Variants in ARHGAP10 observed in about 807,000 individuals in gnomAD.
The protein encoded by ARHGAP10 is Rho GTPase activating protein 10.
Under a neutral mutation model 108.6 loss-of-function variants are expected in ARHGAP10, and 87 were observed. The ratio of observed to expected loss-of-function variants is 0.80; its 90% CI spans 0.67 to 0.96. The LOEUF (loss-of-function observed/expected upper bound fraction) is 0.96, where lower values mean the gene tolerates loss of function less well. Among genes scored for constraint, ARHGAP10 ranks in the 40% least tolerant of loss-of-function variants. The pLI is 0.00. For missense variants in ARHGAP10, 939 were observed against 954.5 expected (o/e 0.98, Z 0.21); for synonymous variants, 347 against 341.1 (o/e 1.02, Z -0.19).
At chr4:147,932,057 G>GA (rs1411813045) in intron 13 of ARHGAP10, among the ~76,000 whole-genome samples, 1 of 151,708 alleles carries the variant, frequency 6.6e-6, no homozygotes. Context: ...ACAAACATAT[G>GA]AAAAAAAAGT....
intron 15 of ARHGAP10, among the ~76,000 whole-genome samples, chr4:147,948,025 C>T (rs1455155329): frequency 6.6e-6 from 1 of 151,386 alleles, no homozygotes; most frequent in Admixed American, 6.6e-5. Context: ...ACTGCAACCT[C>T]CGCCTCCCGG....
intron 1 of ARHGAP10, among the ~76,000 whole-genome samples, chr4:147,788,090 G>C (rs1015899886): frequency 6.6e-6 from 1 of 151,910 alleles, no homozygotes; most frequent in South Asian, 2.1e-4. Context: ...ACACACCCCT[G>C]CCGTTCCACA....
intron 1 of ARHGAP10, among the ~76,000 whole-genome samples, chr4:147,816,274 C>T (rs1393906870): frequency 1.3e-5 from 2 of 152,190 alleles, no homozygotes; most frequent in African/African-American, 4.8e-5. Context: ...CCAGTCCCCA[C>T]ATCACTCCTG....
chr4:147,765,038 T>C (rs1482419793), intron 1 of ARHGAP10, among the ~76,000 whole-genome samples: 1 of 152,194 alleles, frequency 6.6e-6, no homozygotes, highest in Non-Finnish European at 1.5e-5. Flanking sequence ...TTGGATACTC[T>C]GAAGTCAACT....
At chr4:147,932,138 T>A (rs1737723027) in intron 13 of ARHGAP10, among the ~76,000 whole-genome samples, 1 of 152,156 alleles carries the variant, frequency 6.6e-6, no homozygotes, top group Non-Finnish European at 1.5e-5. Flanking sequence ...CCAGTCAGAA[T>A]GGCTATTATT....
At chr4:147,792,447 A>C (rs759970178) in intron 1 of ARHGAP10, among the ~76,000 whole-genome samples, 1 of 152,162 alleles carries the variant, frequency 6.6e-6, no homozygotes, top group Admixed American at 6.5e-5. Flanking sequence ...TTCACAACCC[A>C]TTATTATCAT....
At chr4:147,953,666 G>T (rs1274445027) in intron 15 of ARHGAP10, among the ~76,000 whole-genome samples, 1 of 151,796 alleles carries the variant, frequency 6.6e-6, no homozygotes. Flanking sequence ...CATTCTGGCT[G>T]GATTGATCAA....
In ARHGAP10 at chr4:147,939,847, C is replaced by T; in HGVS notation, c.1251C>T (p.Tyr417=). Residue 417 remains tyrosine, a synonymous_variant, in exon 14 of 23, where the codon TAC becomes TAT. Coordinates refer to ENST00000336498, the MANE Select transcript of ARHGAP10 (RefSeq NM_024605.4). ...ETRGINDQGL[Y]RVVGVSSKVQ... ...TAGGTATAAATGACCAAGGATTGTA[C>T]AGAGTTGTGGGGGTGAGTTCAAAGG... The T allele has an allele frequency of 6.2e-7, 1 of 1,613,974 alleles. No individual in the cohort carries two copies. The highest frequency in any genetic ancestry group is 1.1e-5 in the South Asian group (1 of 91,072).
At chr4:147,978,346 CTT>C (rs1370246480) in intron 18 of ARHGAP10, among the ~76,000 whole-genome samples, 1 of 151,984 alleles carries the variant, frequency 6.6e-6, no homozygotes, top group Non-Finnish European at 1.5e-5. Flanking sequence ...TATTTTTTGA[CTT>C]TTTAAATAAT....
intron 10 of ARHGAP10, among the ~76,000 whole-genome samples, chr4:147,884,029 T>C (rs1239733343): frequency 6.6e-6 from 1 of 152,184 alleles, no homozygotes; most frequent in Admixed American, 6.6e-5. Context: ...GCCATAAGTC[T>C]CTGCAGATTA....
intron 1 of ARHGAP10, among the ~76,000 whole-genome samples, chr4:147,733,765 C>T (rs1382720841): frequency 6.6e-6 from 1 of 152,182 alleles, no homozygotes; most frequent in Non-Finnish European, 1.5e-5. Context: ...TGAGCCATCC[C>T]TGTAATTTTG....
chr4:147,980,292 T>A (rs927549014), intron 18 of ARHGAP10, among the ~76,000 whole-genome samples: 1 of 152,218 alleles, frequency 6.6e-6, no homozygotes, highest in African/African-American at 2.4e-5. Flanking sequence ...TCTATTGAGA[T>A]GATCATATAG....
rs147449928 is a variant in ARHGAP10, at chr4:147,955,621, A to C, written c.1450+247A>C. 2.6e-3 allele frequency among the ~76,000 whole-genome samples: 402 copies of C among 152,266 alleles called. 2 individuals are homozygous for C. The highest frequency in any genetic ancestry group is 9.4e-3 in the African/African-American group (389 of 41,570). ...ACTGGATATGTAAAGCCAAGACAGG[A>C]TTCTTGTCCCATGAGACAATTCTAT... On this transcript the variant is annotated intron_variant, in intron 16 of 22. Transcript: ENST00000336498.
chr4:148,013,461 G>A (rs752600809), intron 18 of ARHGAP10, among the ~76,000 whole-genome samples: 2 of 152,172 alleles, frequency 1.3e-5, no homozygotes, highest in Non-Finnish European at 2.9e-5. Context: ...GGCTGGGGCA[G>A]GTGGATCATG....
chr4:148,044,894 G>A (rs1036730367), intron 19 of ARHGAP10, among the ~76,000 whole-genome samples: 3 of 152,160 alleles, frequency 2.0e-5, no homozygotes, highest in Non-Finnish European at 2.9e-5. Context: ...TTCTATTGGC[G>A]CTGAGTTTCT....
intron 20 of ARHGAP10, among the ~76,000 whole-genome samples, chr4:148,058,765 C>A (rs1729473619): frequency 6.6e-6 from 1 of 152,226 alleles, no homozygotes; most frequent in South Asian, 2.1e-4. Context: ...ACCACATATA[C>A]AGCACTGTCA....
chr4:147,893,140 C>A (rs1735853327), intron 10 of ARHGAP10, among the ~76,000 whole-genome samples: 2 of 151,982 alleles, frequency 1.3e-5, no homozygotes, highest in South Asian at 4.2e-4. Context: ...CTCACTGCAA[C>A]CTCTGCCTCC....
rs573290389 is a variant in ARHGAP10 at position 147,899,763 on chromosome 4, C to A, written c.1035-6875C>A. Among the ~76,000 whole-genome samples the A allele has an allele frequency of 2.8e-4, 43 of 151,986 alleles. 1 individual carries two copies. In the South Asian group the frequency reaches 8.7e-3, roughly 31 times the overall value. The stretch of plus-strand genomic sequence containing the variant: ...CATAGATTTATACTTTGTTTTTTTC[C>A]CAGAAACTCTATGAGAAACTGATTA... On this transcript the variant is annotated intron_variant, in intron 10 of 22. Transcript: ENST00000336498.
chr4:148,013,122 C>T (rs543078191), intron 18 of ARHGAP10, among the ~76,000 whole-genome samples: 2 of 152,136 alleles, frequency 1.3e-5, no homozygotes, highest in African/African-American at 4.8e-5. Context: ...ACTAATCTGC[C>T]CCCCACCTTC....
Sources: allele counts gnomAD v4.1 joint callset (sites outside exome capture counted in the v4.1 genomes callset), GRCh38; gene constraint gnomAD v4.1.1; transcripts MANE v1.5; gene names NCBI Gene and HGNC (gene_info 2026-07-23, HGNC 2026-07-21).